The following RBFOX1 variants were observed in gnomAD, a reference collection of about 807,000 sequenced individuals.
RBFOX1 encodes the protein RNA binding protein fox-1 homolog 1.
RBFOX1 carries 8 observed loss-of-function variants against 57.7 expected under a neutral mutation model. That is an observed-to-expected ratio of 0.14 (90% CI 0.08 to 0.25). RBFOX1 has a LOEUF of 0.25. RBFOX1 is among the 10% of genes least tolerant of loss of function. The pLI, the probability that RBFOX1 is intolerant of heterozygous loss-of-function variation, is 1.00. For missense variants in RBFOX1, 611 were observed against 548.5 expected, an observed-to-expected ratio of 1.11 and a Z score of -1.14; for synonymous variants, 326 against 222.4, an observed-to-expected ratio of 1.47 and a Z score of -4.15.
intron 1 of RBFOX1, among the ~76,000 whole-genome samples, chr16:5,269,735 A>C (rs988883237): frequency 3.1e-4 from 47 of 152,302 alleles, no homozygotes; most frequent in African/African-American, 1.0e-3. Flanking sequence ...GAGGTGATGA[A>C]ATGTTCTAAA....
intron 3 of RBFOX1, among the ~76,000 whole-genome samples, chr16:6,922,819 G>A (rs890376557): frequency 2.0e-5 from 3 of 152,178 alleles, no homozygotes; most frequent in Non-Finnish European, 2.9e-5. Context: ...AGGTGGGATT[G>A]TGTGATGATG....
At chr16:7,511,744 G>A (rs937731593) in intron 4 of RBFOX1, among the ~76,000 whole-genome samples, 1 of 152,136 alleles carries the variant, frequency 6.6e-6, no homozygotes. Context: ...TCATCCTGCT[G>A]TCGTTGAGTT....
chr16:5,816,743 C>A (rs1037697955), intron 3 of RBFOX1, among the ~76,000 whole-genome samples: 2 of 152,140 alleles, frequency 1.3e-5, no homozygotes, highest in African/African-American at 4.8e-5. Flanking sequence ...ATGATCGTCC[C>A]ACTGTACTCT....
At chr16:5,889,983 G>C (rs2058007648) in intron 4 of RBFOX1, among the ~76,000 whole-genome samples, 1 of 152,216 alleles carries the variant, frequency 6.6e-6, no homozygotes, top group African/African-American at 2.4e-5. Flanking sequence ...TGTAGCTCCA[G>C]CTTCTCCTCT....
At chr16:7,653,193 C>T (rs546970029) in intron 11 of RBFOX1, among the ~76,000 whole-genome samples, 1 of 152,302 alleles carries the variant, frequency 6.6e-6, no homozygotes, top group East Asian at 1.9e-4. Flanking sequence ...ATCTTGCAAT[C>T]TGCCCTTTTA....
chr16:5,624,836 CAG>C (rs2048302768), intron 3 of RBFOX1, among the ~76,000 whole-genome samples: 1 of 152,246 alleles, frequency 6.6e-6, no homozygotes, highest in Admixed American at 6.5e-5. Flanking sequence ...GATGGGGGGA[CAG>C]AGAAAGCTGC....
chr16:6,841,904 C>G (rs773413185), intron 3 of RBFOX1, among the ~76,000 whole-genome samples: 3 of 151,272 alleles, frequency 2.0e-5, no homozygotes, highest in African/African-American at 4.9e-5. Flanking sequence ...TTTGGGAGGT[C>G]GAGGCGGGTG....
chr16:7,082,443 G>T (rs1363276196), intron 4 of RBFOX1, among the ~76,000 whole-genome samples: 1 of 151,872 alleles, frequency 6.6e-6, no homozygotes, highest in Non-Finnish European at 1.5e-5. Flanking sequence ...TTAGCTGGAT[G>T]TGGTGGCATG....
chr16:5,243,061 C>T (rs917350572), intron 1 of RBFOX1, among the ~76,000 whole-genome samples: 10 of 151,904 alleles, frequency 6.6e-5, no homozygotes, highest in African/African-American at 1.9e-4. Flanking sequence ...CTTGTGTATC[C>T]ACAAACACCC....
intron 1 of RBFOX1, among the ~76,000 whole-genome samples, chr16:5,340,399 T>A (rs188313427): frequency 6.6e-6 from 1 of 152,232 alleles, no homozygotes; most frequent in Admixed American, 6.5e-5. Context: ...TGAGGTCTTC[T>A]GGAAAACTGT....
chr16:5,593,840 T>A (rs2047092802), intron 2 of RBFOX1, among the ~76,000 whole-genome samples: 1 of 152,320 alleles, frequency 6.6e-6, no homozygotes, highest in South Asian at 2.1e-4. Flanking sequence ...GAATTCTTTC[T>A]TGCGCGAGAT....
chr16:6,638,088 G>C (rs1212594155), intron 2 of RBFOX1, among the ~76,000 whole-genome samples: 1 of 152,102 alleles, frequency 6.6e-6, no homozygotes, highest in Non-Finnish European at 1.5e-5. Context: ...CAAAATATCT[G>C]TGTCATATGA....
At chr16:6,705,147 G>A (rs1313143442) in intron 3 of RBFOX1, 1 of 152,186 alleles carries the variant, frequency 6.6e-6, no homozygotes, top group Non-Finnish European at 1.5e-5. Flanking sequence ...AAATGTTTCA[G>A]TGAGATGAGC....
chr16:6,588,710 T>C (rs2097666930), intron 2 of RBFOX1, among the ~76,000 whole-genome samples: 1 of 152,194 alleles, frequency 6.6e-6, no homozygotes, highest in African/African-American at 2.4e-5. Context: ...TCTATGATGT[T>C]GATTTACAAA....
chr16:7,395,656 G>C (rs545635948), intron 4 of RBFOX1, among the ~76,000 whole-genome samples: 46 of 152,310 alleles, frequency 3.0e-4, no homozygotes, highest in Non-Finnish European at 5.6e-4. Context: ...TAGCATGGAA[G>C]ACTTATGCAG....
chr16:6,490,900 T>C (rs2095617719), intron 2 of RBFOX1, among the ~76,000 whole-genome samples: 1 of 152,184 alleles, frequency 6.6e-6, no homozygotes, highest in African/African-American at 2.4e-5. Flanking sequence ...TCAAATGTCC[T>C]TTTTTAATAC....
intron 14 of RBFOX1, among the ~76,000 whole-genome samples, chr16:7,690,556 TGA>T (rs1261118175): frequency 6.6e-6 from 1 of 152,132 alleles, no homozygotes; most frequent in South Asian, 2.1e-4. Context: ...GGGTCTGTGT[TGA>T]GAGAAAGCAG....
At chr16:7,279,489 G>A (rs1182377863) in intron 4 of RBFOX1, among the ~76,000 whole-genome samples, 1 of 152,190 alleles carries the variant, frequency 6.6e-6, no homozygotes, top group Non-Finnish European at 1.5e-5. Context: ...GCAGCGTCCA[G>A]GTTGCAGTGG....
At chr16:6,409,034 C>T (rs2093374774) in intron 2 of RBFOX1, among the ~76,000 whole-genome samples, 1 of 152,176 alleles carries the variant, frequency 6.6e-6, no homozygotes, top group South Asian at 2.1e-4. Context: ...ACATATTTGA[C>T]ATTTTATAAA....
Sources: gnomAD v4.1 joint callset for allele counts (sites outside exome capture counted in the v4.1 genomes callset) on GRCh38, gnomAD v4.1.1 for gene constraint, MANE v1.5 for transcripts, NCBI Gene and HGNC (gene_info 2026-07-23, HGNC 2026-07-21) for gene names.